The following CDH8 variants were observed in gnomAD, a reference collection of about 807,000 sequenced individuals.
CDH8 encodes cadherin 8.
CDH8 carries 17 observed loss-of-function variants against 68.1 expected under a neutral mutation model. That is an observed-to-expected ratio of 0.25 (90% confidence interval 0.17 to 0.37). The LOEUF is 0.37. CDH8 is among the 10% of genes least tolerant of loss of function. CDH8 has a pLI of 1.00. For synonymous variants in CDH8, 372 were observed against 365.1 expected, an observed-to-expected ratio of 1.02 and a Z score of -0.21; for missense variants, 763 against 999.3, an observed-to-expected ratio of 0.76 and a Z score of 3.19.
intron 2 of CDH8, among the ~76,000 whole-genome samples, chr16:61,987,255 G>A (rs1471754715): frequency 6.6e-6 from 1 of 152,148 alleles, no homozygotes; most frequent in Admixed American, 6.5e-5. Flanking sequence ...TGCAATCCTA[G>A]CACTTTGGGA....
chr16:61,950,376 ACT>A (rs1339991337), intron 2 of CDH8, among the ~76,000 whole-genome samples: 3 of 152,250 alleles, frequency 2.0e-5, no homozygotes, highest in East Asian at 3.9e-4. Context: ...ACTAGATTTT[ACT>A]CTATTTACCG....
chr16:61,817,312 C>CCACACACACACA (rs3833039), intron 7 of CDH8, among the ~76,000 whole-genome samples, 167 bp downstream of exon 7: 3 of 148,086 alleles, frequency 2.0e-5, no homozygotes, highest in African/African-American at 7.4e-5. Context: ...CGTGTACACA[C>CCACACACACACA]CACACACACA....
At chr16:61,909,279 C>T (rs147540260) in intron 2 of CDH8, among the ~76,000 whole-genome samples, 73 of 152,182 alleles carry the variant, frequency 4.8e-4, no homozygotes, top group African/African-American at 1.6e-3. Flanking sequence ...AAATGAACTG[C>T]TGTTTTTGGC....
rs546989569 is a variant in CDH8 at position 61,944,567 on chromosome 16, A to G, written c.253-43094T>C. Among the ~76,000 whole-genome samples, 8 of 152,326 alleles carry G rather than the reference A, an allele frequency of 5.3e-5. No individual in the cohort carries two copies. The South Asian group carries it at 1.7e-3, about 32-fold the overall frequency. On this transcript the variant is annotated intron_variant, in intron 2 of 11. Coordinates refer to ENST00000577390, the MANE Select transcript of CDH8 (RefSeq NM_001796.5). The stretch of plus-strand genomic sequence containing the variant: ...GAATAATTTTGGCAGCTAACTTATT[A>G]GGTTTTTATGAGAATTAAACATATT...
chr16:61,994,999 C>G (rs1233494629), intron 2 of CDH8, among the ~76,000 whole-genome samples: 3 of 152,170 alleles, frequency 2.0e-5, no homozygotes, highest in Non-Finnish European at 2.9e-5. Context: ...AAAGTTAACT[C>G]TAAGTCCCGG....
intron 4 of CDH8, among the ~76,000 whole-genome samples, chr16:61,853,321 A>T (rs1395680786): frequency 6.6e-6 from 1 of 152,112 alleles, no homozygotes; most frequent in African/African-American, 2.4e-5. Flanking sequence ...GCGAGGAAAA[A>T]ACAAGATACA....
chr16:62,021,661 T>G, intron 1 of CDH8, 59 bp from the exon 2 acceptor site: 1 of 977,386 alleles, frequency 1.0e-6, no homozygotes, highest in Non-Finnish European at 1.3e-6. Context: ...TAAAATAAAA[T>G]CACTGCTTTT....
chr16:61,661,119 AT>A (rs1285509084), intron 10 of CDH8, among the ~76,000 whole-genome samples: 1 of 152,040 alleles, frequency 6.6e-6, no homozygotes, highest in Non-Finnish European at 1.5e-5. Flanking sequence ...TAAAATATCT[AT>A]TTTTTGAGCA....
At chr16:61,858,158 G>T (rs1044196654) in intron 3 of CDH8, among the ~76,000 whole-genome samples, 3 of 151,882 alleles carry the variant, frequency 2.0e-5, no homozygotes, top group Non-Finnish European at 4.4e-5. Context: ...GAGGAGGAAG[G>T]GTCAAACAAA....
chr16:61,790,956 A>G (rs1961363859), intron 7 of CDH8, among the ~76,000 whole-genome samples: 1 of 151,970 alleles, frequency 6.6e-6, no homozygotes, highest in East Asian at 1.9e-4. Context: ...CATTTATACT[A>G]GATTCAAAAG....
At chr16:61,887,532 T>C (rs1181344090) in intron 3 of CDH8, among the ~76,000 whole-genome samples, 1 of 152,186 alleles carries the variant, frequency 6.6e-6, no homozygotes, top group Admixed American at 6.5e-5. Flanking sequence ...CATGTGCTTG[T>C]TCATCTGCGC....
At chr16:61,852,470 G>A (rs1962956184) in intron 4 of CDH8, among the ~76,000 whole-genome samples, 1 of 152,036 alleles carries the variant, frequency 6.6e-6, no homozygotes, top group Non-Finnish European at 1.5e-5. Flanking sequence ...CTCCTTGTAT[G>A]ATCTAGAAGC....
chr16:61,808,862 A>G (rs1369676814), intron 7 of CDH8, among the ~76,000 whole-genome samples: 1 of 152,216 alleles, frequency 6.6e-6, no homozygotes, highest in East Asian at 1.9e-4. Flanking sequence ...AGTTGTAAGC[A>G]TAAAAGGATG....
Position 61,960,082 on chromosome 16 carries a change from CAT to C in CDH8, c.253-58611_253-58610del, listed in dbSNP as rs56216272. On this transcript the variant is annotated intron_variant, in intron 2 of 11. Coordinates refer to ENST00000577390, the MANE Select transcript of CDH8 (RefSeq NM_001796.5). Reference sequence around the variant, plus strand: ...GTGTGTGTATACACATACATATATACATATATGTGTGTGTGTATACACATACA... The same window carrying C: ...GTGTGTGTATACACATACATATATACATATGTGTGTGTGTATACACATACA... Among the ~76,000 whole-genome samples, 50 of 40,106 alleles carry C rather than the reference CAT, an allele frequency of 1.2e-3. 8 individuals carry two copies. Among genetic ancestry groups the C allele is most frequent in the East Asian group, 5.3e-3 (7 of 1,318 alleles). 26.3% of individuals were successfully genotyped at this position (40,106 alleles called of 152,430 possible).
At position 61,653,443 on chromosome 16, in the gene CDH8, A is replaced by G; in HGVS notation, c.*165T>C. 4.2e-6 allele frequency: 6 copies of G among 1,414,426 alleles called. No individual in the cohort carries two copies. Among genetic ancestry groups the G allele is most frequent in the Non-Finnish European group, 1.8e-6 (2 of 1,085,418 alleles). 87.6% of individuals were successfully genotyped at this position (1,414,426 alleles called of 1,614,324 possible). On this transcript the variant is annotated 3_prime_UTR_variant, in exon 12 of 12. Coordinates refer to ENST00000577390, the MANE Select transcript of CDH8 (RefSeq NM_001796.5). ...ATAACCTCCTAACATATACTTTTTTATTTTATTATCTTTTTTTGGTTCAAC... is the reference window on the plus strand; with the variant it reads ...ATAACCTCCTAACATATACTTTTTTGTTTTATTATCTTTTTTTGGTTCAAC...
At chr16:61,948,355 T>A (rs1218630775) in intron 2 of CDH8, among the ~76,000 whole-genome samples, 3 of 152,112 alleles carry the variant, frequency 2.0e-5, no homozygotes, top group African/African-American at 7.2e-5. Flanking sequence ...AAATCTAACA[T>A]CATCTAGAAC....
At chr16:61,725,603 T>G (rs1428004695) in intron 9 of CDH8, 3 of 150,746 alleles carry the variant, frequency 2.0e-5, no homozygotes, top group African/African-American at 7.3e-5. Context: ...TTGATCAAAC[T>G]CTCTCTGACA....
intron 3 of CDH8, among the ~76,000 whole-genome samples, chr16:61,876,173 C>T (rs1963456400): frequency 6.6e-6 from 1 of 152,114 alleles, no homozygotes; most frequent in Admixed American, 6.5e-5. Context: ...CTGTGCCCGG[C>T]CAGGTTTTCT....
chr16:62,015,036 G>A (rs113081392), intron 2 of CDH8, among the ~76,000 whole-genome samples: 1 of 151,772 alleles, frequency 6.6e-6, no homozygotes. Context: ...CACACACACA[G>A]AGGCTGAGCA....
Sources: gnomAD v4.1 joint callset for allele counts (sites outside exome capture counted in the v4.1 genomes callset) on GRCh38, gnomAD v4.1.1 for gene constraint, MANE v1.5 for transcripts, NCBI Gene and HGNC (gene_info 2026-07-23, HGNC 2026-07-21) for gene names.